Variants in SMAD7 observed in about 807,000 individuals in gnomAD.
SMAD7 encodes the protein SMAD family member 7, also known as MAD (mothers against decapentaplegic, Drosophila) homolog 7.
SMAD7 carries 8 observed loss-of-function variants against 38.7 expected under a neutral mutation model. The ratio of observed to expected loss-of-function variants is 0.21; its 90% CI spans 0.12 to 0.37. The LOEUF (loss-of-function observed/expected upper bound fraction) is 0.37. SMAD7 is among the 10% of genes least tolerant of loss of function. SMAD7 has a pLI of 1.00. For missense variants in SMAD7, 477 were observed against 577.9 expected, an observed-to-expected ratio of 0.83 and a Z score of 1.79; for synonymous variants, 327 against 265.1, an observed-to-expected ratio of 1.23 and a Z score of -2.27.
chr18:48,927,780 G>T (rs761779742), intron 3 of SMAD7, among the ~76,000 whole-genome samples: 1 of 152,186 alleles, frequency 6.6e-6, no homozygotes, highest in Non-Finnish European at 1.5e-5. Context: ...TGGTAGAACA[G>T]TTCTGGGCCA....
chr18:48,928,331 A>G (rs1208860189), intron 3 of SMAD7, among the ~76,000 whole-genome samples: 1 of 152,254 alleles, frequency 6.6e-6, no homozygotes, highest in Non-Finnish European at 1.5e-5. Flanking sequence ...AGAGTAAGAA[A>G]ACCACTTTGA....
chr18:48,940,040 G>C (rs1443128018), intron 3 of SMAD7, among the ~76,000 whole-genome samples: 1 of 152,074 alleles, frequency 6.6e-6, no homozygotes, highest in African/African-American at 2.4e-5. Flanking sequence ...CTTTTGGAAG[G>C]CATTCTCGCT....
intron 2 of SMAD7, among the ~76,000 whole-genome samples, chr18:48,946,178 A>G (rs992885942): frequency 6.6e-6 from 1 of 152,182 alleles, no homozygotes; most frequent in African/African-American, 2.4e-5. Flanking sequence ...TTAGTTGTGC[A>G]ACTGGTTAAG....
intron 3 of SMAD7, among the ~76,000 whole-genome samples, chr18:48,936,116 A>C (rs1484577378): frequency 2.9e-4 from 3 of 10,400 alleles, no homozygotes; most frequent in Admixed American, 2.1e-3. Flanking sequence ...ACACACACAC[A>C]CCACACACAC....
intron 2 of SMAD7, 25 bp downstream of exon 2, chr18:48,948,359 G>C (rs760518007): frequency 6.6e-7 from 1 of 1,526,066 alleles, no homozygotes; most frequent in Non-Finnish European, 9.0e-7. Context: ...AGATAAGCAG[G>C]ATATTTTAAA....
rs775311370 is a variant in SMAD7, at chr18:48,949,794, A to T, written c.613+18T>A. 1.4e-5 allele frequency: 22 copies of T among 1,581,682 alleles called. No homozygotes were observed. The highest frequency in any genetic ancestry group is 1.7e-4 in the Middle Eastern group (1 of 5,960). ...TGGCGCTCCGGAAAATGTTGGGGGT[A>T]GGGGGACAACTTCTCACCTAGTTCG... is the stretch of plus-strand genomic sequence containing the variant. On this transcript the variant is annotated intron_variant, in intron 1 of 3. Transcript: ENST00000262158.
In SMAD7 at chr18:48,950,169, C is replaced by A. The variant is rs1303374652; in HGVS notation, c.256G>T (p.Gly86Trp). 2.6e-5 allele frequency: 38 copies of A among 1,485,278 alleles called. No individual in the cohort carries two copies. The highest frequency in any genetic ancestry group is 3.4e-5 in the Non-Finnish European group (38 of 1,123,950). The allele number at this position is 1,485,278 out of a possible 1,614,324, so 92.0% of individuals were successfully genotyped here. Residue 86 changes from glycine (G) to tryptophan (W), a missense_variant, in exon 1 of 4, where the codon GGG (glycine) becomes TGG (tryptophan). Around this residue, in one of 2 missense-constraint regions of SMAD7, gnomAD observed 376 missense variants for 379.4 expected, o/e 0.99. Transcript: ENST00000262158. ...GCCTTCAGATCCGCCTCGGCGCCCC[C>A]GGCCGCGCCGGCGCCCGCGGCTGGC... is the stretch of plus-strand genomic sequence containing the variant. ...HPPAAGAGAAGGAEADLKALT... is the reference protein window; with the variant it reads ...HPPAAGAGAAWGAEADLKALT...
At chr18:48,924,937 T>C (rs573721766) in intron 3 of SMAD7, among the ~76,000 whole-genome samples, 86 of 152,344 alleles carry the variant, frequency 5.6e-4, no homozygotes, top group Admixed American at 7.8e-4. Flanking sequence ...TTGCCCTGAA[T>C]TCCCCGCCAT....
At chr18:48,924,364 GC>G (rs2069900448) in intron 3 of SMAD7, among the ~76,000 whole-genome samples, 1 of 152,136 alleles carries the variant, frequency 6.6e-6, no homozygotes, top group Admixed American at 6.5e-5. Flanking sequence ...AGATCGAGGT[GC>G]CCCCATGCCA....
chr18:48,930,574 A>G (rs2069986283), intron 3 of SMAD7, among the ~76,000 whole-genome samples: 1 of 152,054 alleles, frequency 6.6e-6, no homozygotes, highest in African/African-American at 2.4e-5. Flanking sequence ...CTGGCTGGTG[A>G]CTGCAGCAGC....
At chr18:48,948,290 TC>T in intron 2 of SMAD7, 93 bp downstream of exon 2, 1 of 768,476 alleles carries the variant, frequency 1.3e-6, no homozygotes. Context: ...GCCCAGCACC[TC>T]CCCAAGCCTT....
Position 48,950,452 on chromosome 18 carries a change from C to A in SMAD7, c.-28G>T. ...GGGGCGAGGAGGCGAGGAGAAAAGT[C>A]GTTTGCCTGCTAAGGAGCGAACATG... is the stretch of plus-strand genomic sequence containing the variant. On this transcript the variant is annotated 5_prime_UTR_variant, in exon 1 of 4. Coordinates refer to ENST00000262158, the MANE Select transcript of SMAD7 (RefSeq NM_005904.4). 1 of 1,538,416 alleles carries A rather than the reference C, an allele frequency of 6.5e-7. No homozygotes were observed. Among genetic ancestry groups the A allele is most frequent in the South Asian group, 1.2e-5 (1 of 82,528 alleles).
chr18:48,944,185 T>C (rs2070172082), intron 2 of SMAD7, among the ~76,000 whole-genome samples: 1 of 152,158 alleles, frequency 6.6e-6, no homozygotes, highest in Admixed American at 6.5e-5. Flanking sequence ...TTTCTAGAGA[T>C]AGGCTTCTCA....
chr18:48,928,171 CAG>C (rs576394440), intron 3 of SMAD7, among the ~76,000 whole-genome samples: 24 of 152,338 alleles, frequency 1.6e-4, no homozygotes, highest in East Asian at 1.9e-4. Flanking sequence ...CTTGCCCTCT[CAG>C]GGTCTCAGTT....
chr18:48,945,625 A>T (rs541348161), intron 2 of SMAD7, among the ~76,000 whole-genome samples: 1 of 152,146 alleles, frequency 6.6e-6, no homozygotes. Context: ...GTTAAGAGGG[A>T]CCTCGGTTAA....
chr18:48,929,338 G>A (rs542143366), intron 3 of SMAD7, among the ~76,000 whole-genome samples: 1 of 152,144 alleles, frequency 6.6e-6, no homozygotes, highest in African/African-American at 2.4e-5. Flanking sequence ...GGCACCCCCA[G>A]GAAGACACAA....
At chr18:48,945,958 C>A (rs1362663687) in intron 2 of SMAD7, among the ~76,000 whole-genome samples, 1 of 152,216 alleles carries the variant, frequency 6.6e-6, no homozygotes, top group African/African-American at 2.4e-5. Flanking sequence ...TGTGAACACT[C>A]TTTCAAAGAA....
intron 2 of SMAD7, among the ~76,000 whole-genome samples, chr18:48,945,212 G>T (rs2143815212): frequency 6.6e-6 from 1 of 152,204 alleles, no homozygotes; most frequent in Non-Finnish European, 1.5e-5. Context: ...TGTAATCCCA[G>T]CACTTTGGGA....
intron 3 of SMAD7, among the ~76,000 whole-genome samples, chr18:48,925,535 G>A (rs1248786624): frequency 6.6e-6 from 1 of 152,094 alleles, no homozygotes. Context: ...GCCTGTGTTT[G>A]CGCTCCAACT....
Sources: gnomAD v4.1 joint callset for allele counts (sites outside exome capture counted in the v4.1 genomes callset) on GRCh38, gnomAD v4.1.1 for gene constraint, gnomAD v4.1.1 regional missense constraint, MANE v1.5 for transcripts, NCBI Gene and HGNC (gene_info 2026-07-23, HGNC 2026-07-21) for gene names.